Variants in KCNH5 observed in about 807,000 individuals in gnomAD.
The protein encoded by KCNH5 is potassium voltage-gated channel subfamily H member 5.
KCNH5 carries 46 observed loss-of-function variants against 96.1 expected under a neutral mutation model. The observed-to-expected ratio is 0.48, with a 90% CI of 0.38 to 0.61. KCNH5 has a LOEUF of 0.61. Among genes scored for constraint, KCNH5 ranks in the 20% least tolerant of loss-of-function variants. KCNH5 has a pLI of 0.00. For missense variants in KCNH5, 907 were observed against 1,225.8 expected (o/e 0.74, Z 3.88); for synonymous variants, 439 against 449.8 (o/e 0.98, Z 0.30).
Position 62,700,197 on chromosome 14 carries a change from T to C in KCNH5, c.*7311A>G, listed in dbSNP as rs1308165253. 1 of 152,204 alleles carries C rather than the reference T, an allele frequency of 6.6e-6. No homozygotes were observed. The highest frequency in any genetic ancestry group is 6.5e-5 in the Admixed American group (1 of 15,280). 9.4% of individuals were successfully genotyped at this position (152,204 alleles called of 1,614,324 possible). The stretch of plus-strand genomic sequence containing the variant: ...TCTATAATTTTCAATATATCGTGAA[T>C]CTGCACATTTTGTGTTGTTTGAGTA... On this transcript the variant is annotated 3_prime_UTR_variant, in exon 11 of 11. Transcript: ENST00000322893.
intron 7 of KCNH5, among the ~76,000 whole-genome samples, chr14:62,938,110 T>C (rs1272746057): frequency 6.6e-6 from 1 of 152,188 alleles, no homozygotes; most frequent in Non-Finnish European, 1.5e-5. Context: ...CAGGACACTT[T>C]AAATGAGTAA....
chr14:62,935,960 A>G (rs1889671878), intron 7 of KCNH5, among the ~76,000 whole-genome samples: 1 of 152,206 alleles, frequency 6.6e-6, no homozygotes, highest in Non-Finnish European at 1.5e-5. Flanking sequence ...CCAATATCAC[A>G]GTTTTCAATA....
chr14:62,746,944 G>A (rs917641114), intron 10 of KCNH5, among the ~76,000 whole-genome samples: 9 of 152,168 alleles, frequency 5.9e-5, no homozygotes, highest in African/African-American at 2.2e-4. Flanking sequence ...CTTCAAACAC[G>A]CTATCATGTT....
chr14:62,750,767 CTTT>C (rs1885480504), intron 10 of KCNH5, among the ~76,000 whole-genome samples: 1 of 152,186 alleles, frequency 6.6e-6, no homozygotes, highest in Admixed American at 6.5e-5. Flanking sequence ...ACTCTTAAAT[CTTT>C]TCTTAATTGC....
rs1884367007 is a variant in KCNH5, at chr14:62,702,748, C to T, written c.*4760G>A. The T allele has an allele frequency of 1.3e-5, 2 of 152,026 alleles. No homozygotes were observed. The highest frequency in any genetic ancestry group is 2.1e-4 in the South Asian group (1 of 4,820). 9.4% of individuals were successfully genotyped at this position (152,026 alleles called of 1,614,324 possible). A position where few individuals can be genotyped will look rare whatever the true frequency, so the allele number is the denominator to read the frequency against. On this transcript the variant is annotated 3_prime_UTR_variant, in exon 11 of 11. Transcript: ENST00000322893. ...CCAAATCCTCAGTGGTCCTGACCCT[C>T]ATAAAGAATGCAAACACAGGGGTCT...
At chr14:62,947,789 A>G (rs1478413581) in intron 7 of KCNH5, among the ~76,000 whole-genome samples, 1 of 151,438 alleles carries the variant, frequency 6.6e-6, no homozygotes, top group Non-Finnish European at 1.5e-5. Flanking sequence ...AATGCTAATC[A>G]CACCTTCAGT....
intron 2 of KCNH5, among the ~76,000 whole-genome samples, chr14:63,009,512 G>T (rs113891319): frequency 3.3e-5 from 5 of 152,130 alleles, no homozygotes; most frequent in Non-Finnish European, 7.4e-5. Flanking sequence ...GTTCCACTCA[G>T]ATTTTTCATT....
At chr14:62,732,804 G>A (rs965282791) in intron 10 of KCNH5, among the ~76,000 whole-genome samples, 20 of 152,120 alleles carry the variant, frequency 1.3e-4, no homozygotes, top group African/African-American at 4.1e-4. Context: ...ATGTCTCCAT[G>A]GGCTAACAAT....
chr14:62,781,026 A>G (rs192069263), intron 9 of KCNH5, among the ~76,000 whole-genome samples: 1 of 151,622 alleles, frequency 6.6e-6, no homozygotes, highest in Non-Finnish European at 1.5e-5. Flanking sequence ...AAAGAAGAAG[A>G]CCTTTATCGG....
chr14:63,017,241 A>G (rs988681015), intron 1 of KCNH5, among the ~76,000 whole-genome samples: 1 of 152,044 alleles, frequency 6.6e-6, no homozygotes, highest in African/African-American at 2.4e-5. Context: ...ATCAAAGTGT[A>G]GTTAGTAATA....
chr14:62,907,745 A>T (rs1411350033), intron 7 of KCNH5, among the ~76,000 whole-genome samples: 1 of 152,224 alleles, frequency 6.6e-6, no homozygotes, highest in Admixed American at 6.5e-5. Flanking sequence ...TCTATAAAAC[A>T]GGAAGCCGTT....
intron 10 of KCNH5, among the ~76,000 whole-genome samples, chr14:62,721,942 A>G (rs1354847811): frequency 1.3e-5 from 2 of 152,226 alleles, no homozygotes; most frequent in African/African-American, 4.8e-5. Flanking sequence ...CTAAGTCAAT[A>G]TCACATATTT....
At chr14:62,885,994 G>GTAATAAT (rs1389564985) in intron 7 of KCNH5, among the ~76,000 whole-genome samples, 1 of 152,170 alleles carries the variant, frequency 6.6e-6, no homozygotes, top group Non-Finnish European at 1.5e-5. Flanking sequence ...CTTCCCTAAT[G>GTAATAAT]TAATAATTTC....
At chr14:62,929,966 A>C (rs1260347304) in intron 7 of KCNH5, among the ~76,000 whole-genome samples, 10 of 152,014 alleles carry the variant, frequency 6.6e-5, no homozygotes, top group African/African-American at 2.2e-4. Flanking sequence ...ACATGATTTC[A>C]TTCTTTTTTG....
Position 63,045,364 on chromosome 14 carries a change from CTG to C in KCNH5, c.-180_-179del. 1.6e-6 allele frequency: 1 copy of C among 627,696 alleles called. No homozygotes were observed. The highest frequency in any genetic ancestry group is 2.9e-6 in the Non-Finnish European group (1 of 348,274). 38.9% of individuals were successfully genotyped at this position (627,696 alleles called of 1,614,324 possible). On this transcript the variant is annotated 5_prime_UTR_variant, in exon 1 of 11. Transcript: ENST00000322893. ...TCCAGCCCGACCCGGATGAGCAGCT[CTG>C]GGGAGGAGGACCAGGCAGTTCATGG...
chr14:62,775,207 G>A (rs182158435), intron 10 of KCNH5, among the ~76,000 whole-genome samples: 43 of 152,244 alleles, frequency 2.8e-4, no homozygotes, highest in Admixed American at 5.2e-4. Context: ...AAAGCTAAAT[G>A]TCAGTTAGAA....
chr14:63,016,710 T>C, intron 2 of KCNH5, 121 bp downstream of exon 2: 1 of 934,540 alleles, frequency 1.1e-6, no homozygotes, highest in Non-Finnish European at 1.5e-6. Flanking sequence ...TCCCTAATAT[T>C]CTAACATAAT....
At chr14:62,890,559 C>T (rs959986564) in intron 7 of KCNH5, among the ~76,000 whole-genome samples, 3 of 151,172 alleles carry the variant, frequency 2.0e-5, no homozygotes, top group Non-Finnish European at 2.9e-5. Context: ...ATTAGCCGGG[C>T]GTGGTGGCAG....
chr14:62,896,796 T>C (rs1888822750), intron 7 of KCNH5, among the ~76,000 whole-genome samples: 1 of 152,206 alleles, frequency 6.6e-6, no homozygotes, highest in Non-Finnish European at 1.5e-5. Context: ...ATACAATAAA[T>C]AATCTCAACG....
Sources: allele counts gnomAD v4.1 joint callset (sites outside exome capture counted in the v4.1 genomes callset), GRCh38; gene constraint gnomAD v4.1.1; transcripts MANE v1.5; gene names NCBI Gene and HGNC (gene_info 2026-07-23, HGNC 2026-07-21).